The following SORCS2 variants were observed in gnomAD, a reference collection of about 807,000 sequenced individuals.
SORCS2 encodes the protein VPS10 domain-containing receptor SorCS2.
SORCS2 carries 100 observed loss-of-function variants against 141.6 expected under a neutral mutation model. The observed-to-expected ratio is 0.71, with a 90% CI of 0.60 to 0.83. The LOEUF is 0.83. SORCS2 is among the 40% of genes least tolerant of loss of function. The probability of loss-of-function intolerance (pLI) is 0.00; values close to 1 mark genes in which losing one functional copy is unlikely to be tolerated. For missense variants in SORCS2, 1,646 were observed against 1,560.2 expected (o/e 1.05, Z -0.93); for synonymous variants, 789 against 676.9 (o/e 1.17, Z -2.57).
At chr4:7,532,162 C>T (rs539435872) in intron 3 of SORCS2, among the ~76,000 whole-genome samples, 6 of 152,288 alleles carry the variant, frequency 3.9e-5, no homozygotes, top group African/African-American at 1.2e-4. Flanking sequence ...CCGTGGGTTC[C>T]GTGAGAAGAG....
chr4:7,269,054 C>A (rs78013835), intron 1 of SORCS2, among the ~76,000 whole-genome samples: 3 of 152,026 alleles, frequency 2.0e-5, no homozygotes, highest in African/African-American at 7.3e-5. Flanking sequence ...TTGAGGTTGA[C>A]GGGAGTAGGT....
chr4:7,566,506 C>G (rs1715027112), intron 3 of SORCS2, among the ~76,000 whole-genome samples: 4 of 152,212 alleles, frequency 2.6e-5, no homozygotes, highest in Admixed American at 6.5e-5. Context: ...GATGAGGAAA[C>G]TGACTATCAG....
At chr4:7,343,836 T>G (rs760200694) in intron 1 of SORCS2, among the ~76,000 whole-genome samples, 1 of 152,152 alleles carries the variant, frequency 6.6e-6, no homozygotes, top group Non-Finnish European at 1.5e-5. Flanking sequence ...CTAGCTCTGC[T>G]CCACGAGGAA....
chr4:7,391,721 C>G lies in SORCS2; in HGVS notation c.481-4567C>G, dbSNP rs116553434. Among the ~76,000 whole-genome samples the G allele has an allele frequency of 8.7e-3, 1,331 of 152,304 alleles. 15 individuals carry two copies. The highest frequency in any genetic ancestry group is 0.03 in the African/African-American group (1,261 of 41,556). On this transcript the variant is annotated intron_variant, in intron 1 of 26. Coordinates refer to ENST00000507866, the MANE Select transcript of SORCS2 (RefSeq NM_020777.3). ...GACCAGGGTCTGTCCCCGCCAAACC[C>G]TTTCTTTTCTCTGAACCTCAGTTTC...
At chr4:7,296,599 G>A (rs371402085) in intron 1 of SORCS2, among the ~76,000 whole-genome samples, 9 of 152,352 alleles carry the variant, frequency 5.9e-5, no homozygotes, top group African/African-American at 2.2e-4. Flanking sequence ...GTGGCTACAA[G>A]CATGGACCTT....
intron 1 of SORCS2, among the ~76,000 whole-genome samples, chr4:7,277,105 G>T (rs1335454062): frequency 1.6e-5 from 2 of 127,206 alleles, no homozygotes; most frequent in Non-Finnish European, 3.1e-5. Context: ...TCCTGTGAGG[G>T]TCTCTCCTGG....
At chr4:7,215,342 C>T (rs1178570597) in intron 1 of SORCS2, among the ~76,000 whole-genome samples, 1 of 152,248 alleles carries the variant, frequency 6.6e-6, no homozygotes, top group Admixed American at 6.5e-5. Context: ...CTCGATTTCT[C>T]ACCGGGCCTT....
At chr4:7,569,514 G>A (rs1239217041) in intron 3 of SORCS2, among the ~76,000 whole-genome samples, 1 of 151,956 alleles carries the variant, frequency 6.6e-6, no homozygotes, top group African/African-American at 2.4e-5. Flanking sequence ...AGACTCCGTC[G>A]CAAAAAAGAA....
At chr4:7,736,588 C>G (rs934396761) in intron 25 of SORCS2, among the ~76,000 whole-genome samples, 1 of 152,200 alleles carries the variant, frequency 6.6e-6, no homozygotes, top group Non-Finnish European at 1.5e-5. Context: ...TGTGCCCACC[C>G]TCTCCCTTTC....
intron 2 of SORCS2, among the ~76,000 whole-genome samples, chr4:7,468,007 T>G (rs1397003040): frequency 1.3e-5 from 2 of 152,214 alleles, no homozygotes; most frequent in Non-Finnish European, 2.9e-5. Flanking sequence ...TGTACCTTTC[T>G]GCCCCATGGA....
At chr4:7,571,308 C>T (rs946082807) in intron 3 of SORCS2, among the ~76,000 whole-genome samples, 2 of 152,116 alleles carry the variant, frequency 1.3e-5, no homozygotes, top group African/African-American at 4.8e-5. Flanking sequence ...GAAGCAGGAC[C>T]CCTGTGCCCG....
chr4:7,459,260 G>C (rs539040510), intron 2 of SORCS2, among the ~76,000 whole-genome samples: 1 of 152,214 alleles, frequency 6.6e-6, no homozygotes, highest in East Asian at 1.9e-4. Flanking sequence ...CTATAGAAGA[G>C]GGAGGATCCT....
chr4:7,380,838 C>T (rs1178887804), intron 1 of SORCS2, among the ~76,000 whole-genome samples: 1 of 152,196 alleles, frequency 6.6e-6, no homozygotes, highest in Admixed American at 6.5e-5. Context: ...GTAATCCCAA[C>T]ACTTTGGGAG....
intron 2 of SORCS2, among the ~76,000 whole-genome samples, chr4:7,501,000 C>T (rs562132508): frequency 9.8e-5 from 15 of 152,362 alleles, no homozygotes; most frequent in African/African-American, 3.1e-4. Flanking sequence ...CTCCACCCCA[C>T]GTGCCCTCTG....
At chr4:7,639,534 G>GC (rs958979401) in intron 4 of SORCS2, among the ~76,000 whole-genome samples, 1 of 137,178 alleles carries the variant, frequency 7.3e-6, no homozygotes, top group Non-Finnish European at 1.7e-5. Context: ...GATGTGGGGG[G>GC]GTGTTAGTGT....
Position 7,288,792 on chromosome 4 carries a change from G to C in SORCS2, c.480+95666G>C, listed in dbSNP as rs933247468. Among the ~76,000 whole-genome samples, 13 of 103,050 alleles carry C rather than the reference G, an allele frequency of 1.3e-4. 1 individual carries two copies. Among genetic ancestry groups the C allele is most frequent in the East Asian group, 6.4e-4 (2 of 3,140 alleles). 67.6% of individuals were successfully genotyped at this position (103,050 alleles called of 152,430 possible). A position where few individuals can be genotyped will look rare whatever the true frequency, so the allele number is the denominator to read the frequency against. On this transcript the variant is annotated intron_variant, in intron 1 of 26. Coordinates refer to ENST00000507866, the MANE Select transcript of SORCS2 (RefSeq NM_020777.3). Reference sequence around the variant, plus strand: ...ATCAATACAGGAATTCATGTGGGGTGGGGGGGGGAGTTGGGGAGGGCACAG... The same window carrying C: ...ATCAATACAGGAATTCATGTGGGGTCGGGGGGGGAGTTGGGGAGGGCACAG...
rs140946479 is a variant in SORCS2 at position 7,331,467 on chromosome 4, T to A, written c.481-64821T>A. 1.3e-3 allele frequency among the ~76,000 whole-genome samples: 203 copies of A among 152,026 alleles called. 2 individuals are homozygous for A. Among genetic ancestry groups the A allele is most frequent in the Non-Finnish European group, 2.4e-3 (161 of 67,968 alleles). On this transcript the variant is annotated intron_variant, in intron 1 of 26. Transcript: ENST00000507866. Reference sequence around the variant, plus strand: ...TGACAGTACCCACGCGGGAAGGAGGTACGGACTGCGGTCCCCTAAGAGACC... The same window carrying A: ...TGACAGTACCCACGCGGGAAGGAGGAACGGACTGCGGTCCCCTAAGAGACC...
At chr4:7,465,173 C>G (rs4416477) in intron 2 of SORCS2, among the ~76,000 whole-genome samples, 1 of 152,036 alleles carries the variant, frequency 6.6e-6, no homozygotes, top group South Asian at 2.1e-4. Context: ...AGGGGATGGG[C>G]GCGGACCAGG....
intron 19 of SORCS2, among the ~76,000 whole-genome samples, chr4:7,724,336 GTGA>G (rs767946005): frequency 1.4e-5 from 2 of 142,234 alleles, no homozygotes; most frequent in African/African-American, 5.7e-5. Context: ...TAGGGTGATG[GTGA>G]TGATGGTAAC....
Sources: gnomAD v4.1 joint callset for allele counts (sites outside exome capture counted in the v4.1 genomes callset) on GRCh38, gnomAD v4.1.1 for gene constraint, MANE v1.5 for transcripts, NCBI Gene and HGNC (gene_info 2026-07-23, HGNC 2026-07-21) for gene names.